Variants in ZC3H12B observed in about 807,000 individuals in gnomAD.
The protein encoded by ZC3H12B is probable ribonuclease ZC3H12B.
A neutral mutation model predicts 43.9 loss-of-function variants in ZC3H12B; 7 were observed. The observed-to-expected ratio is 0.16, with a 90% CI of 0.09 to 0.30. The LOEUF (loss-of-function observed/expected upper bound fraction) is 0.30. Ranked by LOEUF, ZC3H12B falls within the 10% of genes least tolerant of loss-of-function variation. The probability of loss-of-function intolerance (pLI) is 1.00; values close to 1 mark genes in which losing one functional copy is unlikely to be tolerated. For missense variants in ZC3H12B, 475 were observed against 670.2 expected, an observed-to-expected ratio of 0.71 and a Z score of 3.22; for synonymous variants, 222 against 241.7, an observed-to-expected ratio of 0.92 and a Z score of 0.76.
chrX:65,250,143 G>A, the ZC3H12B span, among the ~76,000 whole-genome samples: 2 of 109,517 alleles, frequency 1.8e-5, no homozygotes, highest in Non-Finnish European at 3.8e-5. Flanking sequence ...GTGTCCAAAT[G>A]TTCTCATTGT....
intron 4 of ZC3H12B, among the ~76,000 whole-genome samples, chrX:65,500,203 C>T (rs1345985737): frequency 1.8e-5 from 2 of 112,406 alleles, no homozygotes; most frequent in African/African-American, 3.2e-5. Context: ...GAAGGGAAGA[C>T]TAGTTGTCAC....
chrX:65,179,265 G>A, the ZC3H12B span, among the ~76,000 whole-genome samples: 4 of 109,769 alleles, frequency 3.6e-5, no homozygotes, highest in African/African-American at 1.0e-4. Flanking sequence ...CGGGGTGTTG[G>A]GGGTAAGGGG....
the ZC3H12B span, among the ~76,000 whole-genome samples, chrX:65,235,607 G>C: frequency 1.8e-5 from 2 of 111,131 alleles, no homozygotes; most frequent in Non-Finnish European, 3.8e-5. Context: ...GCCTGCTGTG[G>C]CTCTGCACTC....
At chrX:65,421,954 A>T (rs1425034586) in intron 3 of ZC3H12B, among the ~76,000 whole-genome samples, 2 of 110,372 alleles carry the variant, frequency 1.8e-5, no homozygotes, top group East Asian at 2.8e-4. Context: ...TCTCAAAAAA[A>T]AAAAAAAAAG....
At chrX:65,077,155 C>A in the ZC3H12B span, among the ~76,000 whole-genome samples, 1 of 111,451 alleles carries the variant, frequency 9.0e-6, no homozygotes, top group African/African-American at 3.3e-5. Context: ...TGTGTTTTGT[C>A]TTTCTGATGG....
At chrX:65,063,603 A>G in the ZC3H12B span, among the ~76,000 whole-genome samples, 24 of 112,075 alleles carry the variant, frequency 2.1e-4, no homozygotes, top group Non-Finnish European at 3.2e-4. Context: ...TTCATCAAGG[A>G]TATTGGCCTG....
the ZC3H12B span, among the ~76,000 whole-genome samples, chrX:65,195,466 A>G: frequency 3.9e-4 from 44 of 112,304 alleles, no homozygotes; most frequent in African/African-American, 1.3e-3. Flanking sequence ...TCTACACTTT[A>G]ACTTCATACC....
the ZC3H12B span, among the ~76,000 whole-genome samples, chrX:65,163,496 C>T: frequency 2.8e-4 from 31 of 111,369 alleles, no homozygotes; most frequent in Non-Finnish European, 3.2e-4. Flanking sequence ...CCCCCAGCCT[C>T]GCTGCCACCT....
the ZC3H12B span, among the ~76,000 whole-genome samples, chrX:65,200,016 C>A: frequency 1.8e-5 from 2 of 111,320 alleles, no homozygotes; most frequent in Non-Finnish European, 3.8e-5. Context: ...GCCTCTAGGT[C>A]TTCGAGGAAT....
the ZC3H12B span, among the ~76,000 whole-genome samples, chrX:65,037,995 G>A: frequency 3.3e-4 from 36 of 110,679 alleles, no homozygotes; most frequent in Non-Finnish European, 5.9e-4. Context: ...GCTTATTTTG[G>A]TACATTTCTA....
chrX:65,354,024 G>A, the ZC3H12B span, among the ~76,000 whole-genome samples: 8 of 111,570 alleles, frequency 7.2e-5, no homozygotes, highest in Admixed American at 6.6e-4. Flanking sequence ...GGAAGGGGCG[G>A]TTGTGGGCGC....
the ZC3H12B span, among the ~76,000 whole-genome samples, chrX:65,258,182 T>C: frequency 9.0e-6 from 1 of 111,082 alleles, no homozygotes; most frequent in African/African-American, 3.3e-5. Context: ...AAAAAGTTAA[T>C]CCACTACAAT....
the ZC3H12B span, among the ~76,000 whole-genome samples, chrX:65,207,244 GTA>G: frequency 1.3e-4 from 13 of 101,698 alleles, no homozygotes; most frequent in African/African-American, 4.7e-4. Flanking sequence ...GTGTGTGTGT[GTA>G]TATATACACA....
At chrX:65,075,580 C>T in the ZC3H12B span, among the ~76,000 whole-genome samples, 1 of 112,267 alleles carries the variant, frequency 8.9e-6, no homozygotes, top group South Asian at 3.7e-4. Context: ...ATGTGGGACA[C>T]ATGCCACAAC....
intron 3 of ZC3H12B, among the ~76,000 whole-genome samples, chrX:65,442,994 G>A (rs890848877): frequency 9.0e-6 from 1 of 110,545 alleles, no homozygotes; most frequent in African/African-American, 3.3e-5. Flanking sequence ...AAGATTTGGG[G>A]GGTCATTTTC....
chrX:65,378,819 C>T (rs1350973602), intron 2 of ZC3H12B, among the ~76,000 whole-genome samples: 1 of 112,645 alleles, frequency 8.9e-6, no homozygotes, highest in African/African-American at 3.2e-5. Context: ...CAGGGAGTTC[C>T]CTTTCCTAGT....
intron 3 of ZC3H12B, among the ~76,000 whole-genome samples, chrX:65,477,494 C>T (rs1448682677): frequency 9.0e-6 from 1 of 111,728 alleles, no homozygotes; most frequent in East Asian, 2.8e-4. Context: ...AAACTTTAAT[C>T]TGCACATTCA....
the ZC3H12B span, among the ~76,000 whole-genome samples, chrX:65,087,268 C>A: frequency 2.7e-5 from 3 of 111,349 alleles, no homozygotes; most frequent in Admixed American, 1.9e-4. Context: ...ACAGGCACAC[C>A]CTCTACCGTG....
At chrX:65,180,091 T>C in the ZC3H12B span, among the ~76,000 whole-genome samples, 1 of 111,992 alleles carries the variant, frequency 8.9e-6, no homozygotes, top group Non-Finnish European at 1.9e-5. Flanking sequence ...TTAACTTTGA[T>C]GCCAAAATCC....
Sources: gnomAD v4.1 joint callset for allele counts (sites outside exome capture counted in the v4.1 genomes callset) on GRCh38, gnomAD v4.1.1 for gene constraint, MANE v1.5 for transcripts, NCBI Gene and HGNC (gene_info 2026-07-23, HGNC 2026-07-21) for gene names.